The following PGAP3 variants were observed in gnomAD, a reference collection of about 807,000 sequenced individuals.
The protein encoded by PGAP3 is GPI-specific phospholipase A2-like PGAP3.
Under a neutral mutation model 40.3 loss-of-function variants are expected in PGAP3, and 31 were observed. That is an observed-to-expected ratio of 0.77 (90% CI 0.58 to 1.04). PGAP3 has a LOEUF of 1.04. Ranked by LOEUF, PGAP3 falls within the 50% of genes least tolerant of loss-of-function variation. The pLI, the probability that PGAP3 is intolerant of heterozygous loss-of-function variation, is 0.00. For synonymous variants in PGAP3, 191 were observed against 184.5 expected (o/e 1.04, Z -0.29); for missense variants, 413 against 423.0 (o/e 0.98, Z 0.21).
chr17:39,677,174 C>G (rs968564709), intron 3 of PGAP3, among the ~76,000 whole-genome samples: 3 of 152,200 alleles, frequency 2.0e-5, no homozygotes, highest in African/African-American at 7.2e-5. Flanking sequence ...CACAGGAGGC[C>G]ATGAGGACGA....
In PGAP3 at chr17:39,673,179, C is replaced by T. The variant is rs1301001041; in HGVS notation, c.771G>A (p.Val257=). 1.3e-6 allele frequency: 2 copies of T among 1,581,524 alleles called. No homozygotes were observed. Among genetic ancestry groups the T allele is most frequent in the African/African-American group, 1.3e-5 (1 of 74,364 alleles). The part of the protein sequence containing the change: ...QRRLPHVRKC[V]VVVLLLQGLS... ...GCCCCTGCAGCAGCAAGACCACCAC[C>T]ACGCACTTGCGCACGTGAGGCAGCC... Residue 257 remains valine, a synonymous_variant, in exon 7 of 8, where the codon GTG becomes GTA. Coordinates refer to ENST00000300658, the MANE Select transcript of PGAP3 (RefSeq NM_033419.5).
intron 3 of PGAP3, among the ~76,000 whole-genome samples, chr17:39,674,975 T>G (rs1319744888): frequency 6.6e-6 from 1 of 152,076 alleles, no homozygotes; most frequent in Non-Finnish European, 1.5e-5. Flanking sequence ...CCCTAGTTAC[T>G]CAATTGCTAA....
Position 39,673,139 on chromosome 17 carries a change from G to T in PGAP3, c.811C>A (p.Leu271Met), listed in dbSNP as rs147481183. The T allele has an allele frequency of 2.8e-4, 442 of 1,603,766 alleles. No individual in the cohort carries two copies. The African/African-American group carries it at 4.6e-3, about 17-fold the overall frequency. Residue 271 changes from leucine (L) to methionine (M), a missense_variant, in exon 7 of 8, where the codon CTG becomes ATG. Physicochemically the swap from Leu to Met is conservative, Grantham distance 15 (BLOSUM62 2). Transcript: ENST00000300658. ...CAGAAGAGCGGTGGGAAGTCAAGCA[G>T]CTCGAGCAGGGACAGCCCCTGCAGC... ...LLLQGLSLLE[L>M]LDFPPLFWVL...
intron 3 of PGAP3, among the ~76,000 whole-genome samples, chr17:39,683,985 G>A (rs1159761814): frequency 6.6e-6 from 1 of 152,096 alleles, no homozygotes; most frequent in East Asian, 1.9e-4. Context: ...TTAGCCAGGT[G>A]TGGTGGCACG....
At position 39,685,948 on chromosome 17, in the gene PGAP3, G is replaced by C. The variant is rs939290151; in HGVS notation, c.253C>G (p.His85Asp). ...TTGCCATGGAACTGAGGCACTTTGT[G>C]ACCTTCCTGGAGGTAGAGCCCAACG... ...VTVGLYLQEG[H>D]KVPQFHGKWP... Residue 85 changes from histidine (H) to aspartate (D), a missense_variant, in exon 2 of 8, where the codon CAC (histidine) becomes GAC (aspartate). Physicochemically the swap from His to Asp is moderately conservative, Grantham distance 81 (BLOSUM62 -1). Transcript: ENST00000300658. The C allele has an allele frequency of 6.2e-7, 1 of 1,613,358 alleles. No individual in the cohort carries two copies. Among genetic ancestry groups the C allele is most frequent in the African/African-American group, 1.3e-5 (1 of 75,018 alleles).
intron 3 of PGAP3, among the ~76,000 whole-genome samples, chr17:39,683,871 TC>T (rs1050570821): frequency 8.5e-5 from 13 of 152,052 alleles, no homozygotes; most frequent in African/African-American, 3.1e-4. Flanking sequence ...ACAACTGTAA[TC>T]CCTGCACTTT....
At chr17:39,682,454 A>T (rs965712901) in intron 3 of PGAP3, among the ~76,000 whole-genome samples, 3 of 152,092 alleles carry the variant, frequency 2.0e-5, no homozygotes, top group African/African-American at 7.2e-5. Flanking sequence ...GTCTTTTGCC[A>T]CTTGTTATGG....
intron 3 of PGAP3, among the ~76,000 whole-genome samples, chr17:39,681,022 C>T (rs1371305051): frequency 6.6e-6 from 1 of 152,172 alleles, no homozygotes; most frequent in Non-Finnish European, 1.5e-5. Flanking sequence ...GCCACCAGGC[C>T]TGGCTTATTT....
chr17:39,684,527 G>C, intron 3 of PGAP3, 70 bp downstream of exon 3: 1 of 1,487,926 alleles, frequency 6.7e-7, no homozygotes, highest in South Asian at 1.3e-5. Flanking sequence ...CCTGTTGGGT[G>C]TTAATAGGGA....
Position 39,674,028 on chromosome 17 carries a change from A to G in PGAP3, c.522T>C (p.Thr174=), listed in dbSNP as rs2057344442. 6.2e-7 allele frequency: 1 copy of G among 1,614,078 alleles called. No individual in the cohort carries two copies. Among genetic ancestry groups the G allele is most frequent in the South Asian group, 1.1e-5 (1 of 91,082 alleles). The change falls in exon 5 of 8, where the codon ACT becomes ACC. Residue 174 remains threonine, a synonymous_variant. Transcript: ENST00000300658. ...TEKMDYFCAS[T]VILHSIYLCC... The stretch of plus-strand genomic sequence containing the variant: ...ACAGGTAGATTGAGTGTAGGATGAC[A>G]GTGGAGGCACAGAAGTAGTCCATTT...
intron 3 of PGAP3, among the ~76,000 whole-genome samples, chr17:39,675,623 A>G (rs1346939396): frequency 1.3e-5 from 2 of 152,188 alleles, no homozygotes; most frequent in East Asian, 1.9e-4. Context: ...GTTGGCTCCA[A>G]TGTACCAGGA....
rs760185604 is a variant in PGAP3, at chr17:39,674,030, T to C, written c.520A>G (p.Thr174Ala). 9.9e-6 allele frequency: 16 copies of C among 1,613,738 alleles called. No homozygotes were observed. Among genetic ancestry groups the C allele is most frequent in the African/African-American group, 2.7e-5 (2 of 74,830 alleles). Residue 174 changes from threonine (T) to alanine (A), a missense_variant, in exon 5 of 8, where the codon ACT becomes GCT. Transcript: ENST00000300658. The stretch of plus-strand genomic sequence containing the variant: ...AGGTAGATTGAGTGTAGGATGACAG[T>C]GGAGGCACAGAAGTAGTCCATTTTC... ...TEKMDYFCAS[T>A]VILHSIYLCC...
At chr17:39,687,765 G>C in intron 1 of PGAP3, 69 bp downstream of exon 1, 1 of 1,200,664 alleles carries the variant, frequency 8.3e-7, no homozygotes, top group Non-Finnish European at 1.1e-6. Flanking sequence ...GGATTGCAGA[G>C]GCGTATTGGG....
At chr17:39,672,984 T>C (rs2057326087) in intron 7 of PGAP3, 67 bp downstream of exon 7, 30 of 1,578,262 alleles carry the variant, frequency 1.9e-5, no homozygotes, top group Non-Finnish European at 2.6e-5. Flanking sequence ...GAGCCCCCAA[T>C]CTCCCCTAAG....
At chr17:39,673,379 C>A (rs755077794) in intron 6 of PGAP3, 124 bp from the exon 7 acceptor site, 1 of 1,549,358 alleles carries the variant, frequency 6.5e-7, no homozygotes, top group East Asian at 2.3e-5. Flanking sequence ...TCCTCTCTCT[C>A]CCACCTCAAA....
chr17:39,673,900 G>A (rs2057342444), intron 5 of PGAP3, 93 bp downstream of exon 5: 1 of 1,446,308 alleles, frequency 6.9e-7, no homozygotes, highest in Non-Finnish European at 9.6e-7. Flanking sequence ...GGTGTTGGGA[G>A]ACTAGTGAAG....
At position 39,681,595 on chromosome 17, in the gene PGAP3, G is replaced by A. The variant is rs184487386; in HGVS notation, c.432+3002C>T. Reference sequence around the variant, plus strand: ...GTGATCTCAGCTCACCGCAACCTCCGCCTTCCGGGTTCAAGTGATTTTCCT... The same window carrying A: ...GTGATCTCAGCTCACCGCAACCTCCACCTTCCGGGTTCAAGTGATTTTCCT... On this transcript the variant is annotated intron_variant, in intron 3 of 7. Transcript: ENST00000300658. 1.2e-3 allele frequency among the ~76,000 whole-genome samples: 180 copies of A among 151,982 alleles called. 1 individual carries two copies. In the Middle Eastern group the frequency reaches 0.017, roughly 14 times the overall value.
intron 1 of PGAP3, 143 bp downstream of exon 1, chr17:39,687,691 C>T (rs2057577145): frequency 1.8e-6 from 1 of 544,876 alleles, no homozygotes; most frequent in Non-Finnish European, 2.9e-6. Context: ...GCTGGTAAGG[C>T]TCTCATCACC....
intron 3 of PGAP3, among the ~76,000 whole-genome samples, 192 bp downstream of exon 3, chr17:39,684,405 C>A (rs904380584): frequency 6.6e-6 from 1 of 152,178 alleles, no homozygotes; most frequent in Non-Finnish European, 1.5e-5. Context: ...TAGGGCTCTG[C>A]TGGAAAGGTA....
Sources: gnomAD v4.1 joint callset for allele counts (sites outside exome capture counted in the v4.1 genomes callset) on GRCh38, gnomAD v4.1.1 for gene constraint, MANE v1.5 for transcripts, NCBI Gene and HGNC (gene_info 2026-07-23, HGNC 2026-07-21) for gene names.